The following ADCY7 variants were observed in gnomAD, a reference collection of about 807,000 sequenced individuals.
ADCY7 encodes adenylate cyclase 7.
A neutral mutation model predicts 120.6 loss-of-function variants in ADCY7; 72 were observed. That is an observed-to-expected ratio of 0.60 (90% CI 0.49 to 0.73). The LOEUF is 0.73. Among genes scored for constraint, ADCY7 ranks in the 30% least tolerant of loss-of-function variants. The pLI, the probability that ADCY7 is intolerant of heterozygous loss-of-function variation, is 0.00. For missense variants in ADCY7, 1,227 were observed against 1,486.0 expected (o/e 0.83, Z 2.87); for synonymous variants, 661 against 628.0 (o/e 1.05, Z -0.78).
chr16:50,305,706 C>T (rs985037381), intron 13 of ADCY7, 71 bp from the exon 14 acceptor site: 3 of 1,495,474 alleles, frequency 2.0e-6, no homozygotes, highest in South Asian at 1.1e-5. Context: ...CTTCCCCCTG[C>T]CTGCTGCCAC....
At chr16:50,305,048 C>G in intron 12 of ADCY7, 89 bp downstream of exon 12, 1 of 1,521,576 alleles carries the variant, frequency 6.6e-7, no homozygotes, top group Non-Finnish European at 9.1e-7. Context: ...GTGGGCAGCT[C>G]CGCAAGGCCC....
intron 3 of ADCY7, 68 bp downstream of exon 3, chr16:50,290,728 A>G: frequency 6.5e-7 from 1 of 1,534,194 alleles, no homozygotes; most frequent in Non-Finnish European, 8.9e-7. Context: ...GTTGGTGGGC[A>G]TGCCACAGGC....
chr16:50,292,640 G>A (rs2035063668), intron 4 of ADCY7, 36 bp from the exon 5 acceptor site: 1 of 1,609,284 alleles, frequency 6.2e-7, no homozygotes, highest in East Asian at 2.2e-5. Flanking sequence ...GCATGGGCCA[G>A]GCCACATAAT....
intron 2 of ADCY7, chr16:50,289,199 T>G (rs9927261): frequency 0.49 from 153,644 of 312,802 alleles, 39,557 homozygotes; most frequent in Middle Eastern, 0.57. Context: ...TTTGTTTTTT[T>G]TTTGTTTGTT....
In ADCY7 at chr16:50,311,802, C is replaced by T. The variant is rs80123665; in HGVS notation, c.2448+16C>T. On this transcript the variant is annotated intron_variant, in intron 20 of 25. Transcript: ENST00000673801. Reference sequence around the variant, plus strand: ...CTCCAGACAGGTAAGGAGGCTGGCCCCCCCCCCCCCCCCAAGCTCTGCCCA... The same window carrying T: ...CTCCAGACAGGTAAGGAGGCTGGCCTCCCCCCCCCCCCCAAGCTCTGCCCA... 25 of 239,940 alleles carry T rather than the reference C, an allele frequency of 1.0e-4. No individual in the cohort carries two copies. Among genetic ancestry groups the T allele is most frequent in the East Asian group, 2.1e-4 (3 of 14,136 alleles). The allele number at this position is 239,940 out of a possible 1,614,324, so 14.9% of individuals were successfully genotyped here.
chr16:50,292,845 C>T lies in ADCY7; in HGVS notation c.687+20C>T. On this transcript the variant is annotated intron_variant, in intron 5 of 25. Coordinates refer to ENST00000673801, the MANE Select transcript of ADCY7 (RefSeq NM_001114.5). ...CAGCAGGTGGGACCCGGCCCCCACT[C>T]CTCACCCTGTACACCCCTGTCCTCT... 1.2e-6 allele frequency: 2 copies of T among 1,611,074 alleles called. No homozygotes were observed. The highest frequency in any genetic ancestry group is 1.7e-6 in the Non-Finnish European group (2 of 1,179,412).
chr16:50,286,741 T>C (rs2034607412), intron 1 of ADCY7, among the ~76,000 whole-genome samples: 1 of 152,174 alleles, frequency 6.6e-6, no homozygotes, highest in African/African-American at 2.4e-5. Flanking sequence ...ACCTGACTTA[T>C]GACAGAGGTG....
rs527823420 is a variant in ADCY7 at position 50,301,142 on chromosome 16, T to C, written c.1296T>C (p.Asp432=). ...TGGACAAGGCGTACGAGGTGGAGGA[T>C]GGGCACGGGCAGCAGCGGGACCCCT... ...KHLDKAYEVE[D]GHGQQRDPYL... The change falls in exon 10 of 26, where the codon GAT becomes GAC. Residue 432 remains aspartate (D), a synonymous_variant. Transcript: ENST00000673801. The C allele has an allele frequency of 6.2e-7, 1 of 1,613,902 alleles. No individual in the cohort carries two copies. Among genetic ancestry groups the C allele is most frequent in the East Asian group, 2.2e-5 (1 of 44,872 alleles).
chr16:50,270,907 C>T (rs1219405736), intron 1 of ADCY7, among the ~76,000 whole-genome samples: 1 of 152,180 alleles, frequency 6.6e-6, no homozygotes, highest in Non-Finnish European at 1.5e-5. Context: ...GGGATCCCGC[C>T]AGCCCCCTCA....
chr16:50,265,808 G>T (rs1171259975), upstream of ADCY7, among the ~76,000 whole-genome samples: 1 of 152,236 alleles, frequency 6.6e-6, no homozygotes, highest in Admixed American at 6.5e-5. Flanking sequence ...CGGGCTGGAG[G>T]CCTCCCCCTC....
intron 1 of ADCY7, among the ~76,000 whole-genome samples, chr16:50,247,626 T>C (rs761689688): frequency 1.3e-5 from 2 of 150,110 alleles, no homozygotes; most frequent in African/African-American, 2.5e-5. Context: ...GTGATCCTCC[T>C]GCGTCAGCCT....
At chr16:50,271,326 C>T (rs114711098) in intron 1 of ADCY7, among the ~76,000 whole-genome samples, 4,835 of 152,256 alleles carry the variant, frequency 0.032, 263 homozygotes, top group African/African-American at 0.11. Context: ...ACAGCAGCCT[C>T]GACCTCCTGG....
chr16:50,307,954 C>A (rs945272732), intron 15 of ADCY7, among the ~76,000 whole-genome samples: 1 of 147,794 alleles, frequency 6.8e-6, no homozygotes, highest in African/African-American at 2.5e-5. Context: ...CGAGATCATG[C>A]CACTGCACTC....
Position 50,314,400 on chromosome 16 carries a change from C to T in ADCY7, c.2965C>T (p.Arg989Cys), listed in dbSNP as rs1166368418. ...GCACTCCTTCAACTCCTTCCGCCTC[C>T]GCGTCGGTGAGCCCGGGTGATGGAG... Reference protein sequence around the residue: ...NRHSFNSFRLRVGINHGPVIA... With the variant: ...NRHSFNSFRLCVGINHGPVIA... Residue 989 changes from arginine to cysteine, a missense_variant, in exon 24 of 26, where the codon CGC (arginine) becomes TGC (cysteine). Transcript: ENST00000673801. 9.9e-6 allele frequency: 16 copies of T among 1,613,302 alleles called. No individual in the cohort carries two copies. The highest frequency in any genetic ancestry group is 4.0e-5 in the African/African-American group (3 of 74,928).
chr16:50,312,246 T>TC (rs2036529793), intron 21 of ADCY7, 55 bp downstream of exon 21: 3 of 1,593,852 alleles, frequency 1.9e-6, no homozygotes, highest in Non-Finnish European at 2.6e-6. Flanking sequence ...CCAGGCGCAG[T>TC]CCGTAGGGTG....
At chr16:50,282,038 G>A (rs993045481) in intron 1 of ADCY7, among the ~76,000 whole-genome samples, 3 of 152,152 alleles carry the variant, frequency 2.0e-5, no homozygotes, top group Non-Finnish European at 2.9e-5. Context: ...GGGCCTGAGC[G>A]GGGCCTCTTC....
intron 1 of ADCY7, among the ~76,000 whole-genome samples, chr16:50,277,369 T>C (rs1050939256): frequency 2.0e-5 from 3 of 152,236 alleles, no homozygotes; most frequent in African/African-American, 7.2e-5. Context: ...AGTGACTTTG[T>C]TAGGTATTAT....
intron 18 of ADCY7, 37 bp from the exon 19 acceptor site, chr16:50,310,645 TGGTGG>T: frequency 6.2e-7 from 1 of 1,607,624 alleles, no homozygotes; most frequent in Non-Finnish European, 8.5e-7. Flanking sequence ...CGAGAGTACG[TGGTGG>T]GGTGGCCCTG....
Position 50,288,254 on chromosome 16 carries a change from C to T in ADCY7, c.75C>T (p.Tyr25=). The part of the protein sequence containing the change: ...GPDQDALYEK[Y]QLTSQHGPLL... ...ACCAAGATGCGCTCTACGAGAAGTA[C>T]CAGCTCACCAGCCAGCATGGGCCGC... Residue 25 remains tyrosine (Y), a synonymous_variant, in exon 2 of 26, where the codon TAC becomes TAT. Coordinates refer to ENST00000673801, the MANE Select transcript of ADCY7 (RefSeq NM_001114.5). 1 of 1,551,278 alleles carries T rather than the reference C, an allele frequency of 6.4e-7. No homozygotes were observed. Among genetic ancestry groups the T allele is most frequent in the Non-Finnish European group, 8.7e-7 (1 of 1,146,974 alleles).
Sources: gnomAD v4.1 joint callset for allele counts (sites outside exome capture counted in the v4.1 genomes callset) on GRCh38, gnomAD v4.1.1 for gene constraint, MANE v1.5 for transcripts, NCBI Gene and HGNC (gene_info 2026-07-23, HGNC 2026-07-21) for gene names.